The following SYNPO variants were observed in gnomAD, a reference collection of about 807,000 sequenced individuals.
SYNPO encodes the protein synaptopodin.
Under a neutral mutation model 49.5 loss-of-function variants are expected in SYNPO, and 19 were observed. The observed-to-expected ratio is 0.38, with a 90% CI of 0.27 to 0.56. The LOEUF (loss-of-function observed/expected upper bound fraction) is 0.56, where lower values mean the gene tolerates loss of function less well. Ranked by LOEUF, SYNPO falls within the 20% of genes least tolerant of loss-of-function variation. SYNPO has a pLI of 0.68. For missense variants in SYNPO, 1,131 were observed against 1,248.3 expected, an observed-to-expected ratio of 0.91 and a Z score of 1.42; for synonymous variants, 536 against 548.0, an observed-to-expected ratio of 0.98 and a Z score of 0.31.
the SYNPO span, among the ~76,000 whole-genome samples, chr5:150,588,543 G>C: frequency 1.3e-5 from 2 of 152,166 alleles, no homozygotes; most frequent in Non-Finnish European, 2.9e-5. Flanking sequence ...TAGGTCTTGA[G>C]CATCTCAGAG....
chr5:150,629,632 C>A (rs1757474113), intron 2 of SYNPO, among the ~76,000 whole-genome samples: 1 of 152,064 alleles, frequency 6.6e-6, no homozygotes, highest in African/African-American at 2.4e-5. Context: ...AACCTGAGAC[C>A]CTTGCGTGTA....
chr5:150,643,257 G>T (rs1757972505), intron 1 of SYNPO, among the ~76,000 whole-genome samples: 1 of 152,176 alleles, frequency 6.6e-6, no homozygotes, highest in Non-Finnish European at 1.5e-5. Context: ...GTGATCGTGG[G>T]CAGCTCACTT....
the SYNPO span, among the ~76,000 whole-genome samples, chr5:150,588,600 T>A: frequency 1.3e-5 from 2 of 151,916 alleles, no homozygotes; most frequent in African/African-American, 4.8e-5. Flanking sequence ...GGGATCTCAG[T>A]CTGTCTAGGA....
the SYNPO span, among the ~76,000 whole-genome samples, chr5:150,595,397 G>A: frequency 6.6e-6 from 1 of 152,248 alleles, no homozygotes; most frequent in Non-Finnish European, 1.5e-5. Context: ...GGAAACAGAG[G>A]CCCAGCGAGG....
At chr5:150,643,235 C>G (rs921802997) in intron 1 of SYNPO, among the ~76,000 whole-genome samples, 3 of 152,162 alleles carry the variant, frequency 2.0e-5, no homozygotes, top group Non-Finnish European at 4.4e-5. Flanking sequence ...GAGCTCTACT[C>G]CTTCTGGCTC....
rs1757871843 is a variant in SYNPO, at chr5:150,640,704, T to A, written c.-483T>A. 7.1e-6 allele frequency: 7 copies of A among 985,448 alleles called. No individual in the cohort carries two copies. Among genetic ancestry groups the A allele is most frequent in the Non-Finnish European group, 8.4e-6 (7 of 829,938 alleles). The allele number at this position is 985,448 out of a possible 1,614,324, so 61.0% of individuals were successfully genotyped here. ...TCATCTGTGGAGGAGAAAAGTCACA[T>A]CCAGCTCCTTCATGTTGCTGCCGAT... On this transcript the variant is annotated 5_prime_UTR_variant, in exon 1 of 3. Transcript: ENST00000307662.
intron 2 of SYNPO, among the ~76,000 whole-genome samples, chr5:150,623,790 T>C (rs908892733): frequency 1.3e-5 from 2 of 152,136 alleles, no homozygotes; most frequent in African/African-American, 4.8e-5. Context: ...CACACAACTC[T>C]TGATGCAAAA....
chr5:150,655,539 C>G (rs1037925170), intron 2 of SYNPO, among the ~76,000 whole-genome samples: 1 of 152,242 alleles, frequency 6.6e-6, no homozygotes, highest in African/African-American at 2.4e-5. Context: ...GAAAGCTTCC[C>G]GGGATGTGCC....
At chr5:150,617,685 T>G (rs1431206883) in intron 1 of SYNPO, 1 of 152,178 alleles carries the variant, frequency 6.6e-6, no homozygotes, top group East Asian at 1.9e-4. Flanking sequence ...ATTCCTGTGG[T>G]GTAGGTACCT....
intron 1 of SYNPO, among the ~76,000 whole-genome samples, chr5:150,646,906 C>A (rs1325027760): frequency 6.6e-6 from 1 of 152,176 alleles, no homozygotes; most frequent in South Asian, 2.1e-4. Context: ...CCGAGTGCCA[C>A]TGTATGACAG....
intron 2 of SYNPO, among the ~76,000 whole-genome samples, chr5:150,620,155 T>G (rs915350226): frequency 3.3e-5 from 5 of 152,336 alleles, no homozygotes; most frequent in African/African-American, 1.2e-4. Context: ...TTTCCTCCTC[T>G]GTGAAAATAA....
In SYNPO at chr5:150,656,514, G is replaced by A. The variant is rs1292563821; in HGVS notation, c.2139G>A (p.Gly713=). 6.5e-7 allele frequency: 1 copy of A among 1,530,716 alleles called. No individual in the cohort carries two copies. Among genetic ancestry groups the A allele is most frequent in the East Asian group, 2.5e-5 (1 of 40,462 alleles). 94.8% of individuals were successfully genotyped at this position (1,530,716 alleles called of 1,614,324 possible). Residue 713 remains glycine, a synonymous_variant, in exon 3 of 3, where the codon GGG becomes GGA. Transcript: ENST00000307662. The stretch of plus-strand genomic sequence containing the variant: ...CGGGCCCGTGGGAGCCAGGTCGCGG[G>A]AGCAGCATGAGCAGCCCCCCGCCGC... ...VSPGPWEPGR[G]SSMSSPPPLP...
At chr5:150,620,331 T>G (rs1229633498) in intron 2 of SYNPO, among the ~76,000 whole-genome samples, 2 of 152,274 alleles carry the variant, frequency 1.3e-5, no homozygotes, top group Non-Finnish European at 2.9e-5. Flanking sequence ...ACTGCTATTA[T>G]TTGTTAGAAG....
chr5:150,600,331 G>T (rs1251510315), upstream of SYNPO, among the ~76,000 whole-genome samples: 3 of 152,268 alleles, frequency 2.0e-5, no homozygotes, highest in East Asian at 1.9e-4. Flanking sequence ...CAGCACTCCA[G>T]TGGGAAAGGC....
At chr5:150,612,483 G>A (rs752922) in intron 1 of SYNPO, among the ~76,000 whole-genome samples, 42,635 of 152,016 alleles carry the variant, frequency 0.28, 6,862 homozygotes, top group African/African-American at 0.43. Flanking sequence ...CTTTCGCTCA[G>A]CAACTACTTA....
the SYNPO span, among the ~76,000 whole-genome samples, chr5:150,594,179 G>A: frequency 3.3e-5 from 5 of 152,174 alleles, no homozygotes; most frequent in African/African-American, 4.8e-5. Context: ...CAGGACTTGC[G>A]GCTTGAGGGT....
intron 2 of SYNPO, among the ~76,000 whole-genome samples, chr5:150,633,507 CAT>C (rs913995449): frequency 6.6e-6 from 1 of 152,200 alleles, no homozygotes; most frequent in African/African-American, 2.4e-5. Flanking sequence ...ATGGAGAAGT[CAT>C]GTGTGCTCAG....
chr5:150,647,980 T>C lies in SYNPO; in HGVS notation c.-296T>C, dbSNP rs1758167002. On this transcript the variant is annotated 5_prime_UTR_variant, in exon 2 of 3. Coordinates refer to ENST00000307662, the MANE Select transcript of SYNPO (RefSeq NM_007286.6). ...AGCACTAGCCTCACGGAGAAGGATC[T>C]GAAAGAAGCCAAGGCGCGGAGCCAG... 1 of 1,551,730 alleles carries C rather than the reference T, an allele frequency of 6.4e-7. No homozygotes were observed.
At position 150,656,807 on chromosome 5, in the gene SYNPO, G is replaced by T; in HGVS notation, c.2432G>T (p.Gly811Val). ...CGCTCGCCACAGCCCGCCCGCCCCGGCTCGGCTGCTGTGCCGGGGGCAGCC... is the reference window on the plus strand; with the variant it reads ...CGCTCGCCACAGCCCGCCCGCCCCGTCTCGGCTGCTGTGCCGGGGGCAGCC... ...RMRSPQPARP[G>V]SAAVPGAAFA... Residue 811 changes from glycine to valine, a missense_variant, in exon 3 of 3, where the codon GGC becomes GTC. Gly to Val is a moderately radical substitution (Grantham distance 109). This residue lies in a region of SYNPO where 509 missense variants were observed against 484.5 expected (regional missense o/e 1.05). Coordinates refer to ENST00000307662, the MANE Select transcript of SYNPO (RefSeq NM_007286.6). The T allele has an allele frequency of 2.8e-6, 4 of 1,423,668 alleles. No individual in the cohort carries two copies. The highest frequency in any genetic ancestry group is 2.8e-6 in the Non-Finnish European group (3 of 1,087,264). The allele number at this position is 1,423,668 out of a possible 1,614,324, so 88.2% of individuals were successfully genotyped here.
Sources: allele counts gnomAD v4.1 joint callset (sites outside exome capture counted in the v4.1 genomes callset), GRCh38; gene constraint gnomAD v4.1.1; regional missense constraint gnomAD v4.1.1; transcripts MANE v1.5; gene names NCBI Gene and HGNC (gene_info 2026-07-23, HGNC 2026-07-21).